Variants in LPP observed in about 807,000 individuals in gnomAD.
LPP encodes lipoma-preferred partner.
Under a neutral mutation model 60.4 loss-of-function variants are expected in LPP, and 38 were observed. That is an observed-to-expected ratio of 0.63 (90% CI 0.49 to 0.83). LPP has a LOEUF of 0.83. Among genes scored for constraint, LPP ranks in the 40% least tolerant of loss-of-function variants. The pLI, the probability that LPP is intolerant of heterozygous loss-of-function variation, is 0.00. For synonymous variants in LPP, 328 were observed against 290.8 expected, an observed-to-expected ratio of 1.13 and a Z score of -1.30; for missense variants, 902 against 783.6, an observed-to-expected ratio of 1.15 and a Z score of -1.80.
Position 188,725,802 on chromosome 3 carries a change from G to A in LPP, c.1240+17409G>A, listed in dbSNP as rs548210252. Among the ~76,000 whole-genome samples the A allele has an allele frequency of 5.9e-5, 9 of 152,224 alleles. No individual in the cohort carries two copies. In the South Asian group the frequency reaches 1.9e-3, roughly 32 times the overall value. ...ATATGGGAGGAAAGAAGTTAGAATG[G>A]CTTACTATGAATGGAAAAGTGGAGA... On this transcript the variant is annotated intron_variant, in intron 8 of 11. Coordinates refer to ENST00000617246, the MANE Select transcript of LPP (RefSeq NM_001375462.1).
intron 8 of LPP, among the ~76,000 whole-genome samples, chr3:188,720,350 C>T (rs1436962787): frequency 6.6e-6 from 1 of 152,118 alleles, no homozygotes; most frequent in Non-Finnish European, 1.5e-5. Context: ...TTGTCAAATC[C>T]TCTAGGGCCA....
chr3:188,252,502 T>C (rs1252889442), intron 2 of LPP, among the ~76,000 whole-genome samples: 1 of 151,968 alleles, frequency 6.6e-6, no homozygotes, highest in Non-Finnish European at 1.5e-5. Context: ...ATGGGTATGC[T>C]GGGTTAAGAG....
At chr3:188,420,586 T>G (rs1023496277) in intron 4 of LPP, among the ~76,000 whole-genome samples, 6 of 152,170 alleles carry the variant, frequency 3.9e-5, no homozygotes, top group African/African-American at 1.4e-4. Flanking sequence ...TCTCCTGAAA[T>G]TGTATTTAAA....
chr3:188,575,255 T>A (rs1828949), intron 6 of LPP, among the ~76,000 whole-genome samples: 1 of 151,942 alleles, frequency 6.6e-6, no homozygotes, highest in African/African-American at 2.4e-5. Context: ...TCTGAAGTTG[T>A]AAATTAAAAA....
chr3:188,712,545 C>T (rs1263493956), intron 8 of LPP: 1 of 152,250 alleles, frequency 6.6e-6, no homozygotes, highest in Non-Finnish European at 1.5e-5. Context: ...GCGATAAAGT[C>T]TTCTCTTCCT....
At chr3:188,444,662 C>T (rs1794799222) in intron 4 of LPP, among the ~76,000 whole-genome samples, 2 of 152,122 alleles carry the variant, frequency 1.3e-5, no homozygotes, top group Non-Finnish European at 2.9e-5. Context: ...AGAGCTTCTA[C>T]ACAGCAAAAG....
intron 9 of LPP, among the ~76,000 whole-genome samples, chr3:188,863,799 T>C (rs1256780815): frequency 1.3e-5 from 2 of 152,152 alleles, no homozygotes; most frequent in African/African-American, 4.8e-5. Flanking sequence ...GAATGCAGCA[T>C]CTGTAGACCA....
intron 7 of LPP, among the ~76,000 whole-genome samples, chr3:188,660,812 C>T (rs1319868753): frequency 6.6e-6 from 1 of 152,172 alleles, no homozygotes; most frequent in Non-Finnish European, 1.5e-5. Flanking sequence ...GAGAGTGGCA[C>T]ATTAGTTACA....
At chr3:188,246,760 T>C (rs916254447) in intron 2 of LPP, among the ~76,000 whole-genome samples, 2 of 152,196 alleles carry the variant, frequency 1.3e-5, no homozygotes, top group Non-Finnish European at 2.9e-5. Context: ...TCCTTAATTC[T>C]CACAATATTA....
At chr3:188,156,138 G>A (rs1263410159) in intron 1 of LPP, among the ~76,000 whole-genome samples, 2 of 152,158 alleles carry the variant, frequency 1.3e-5, no homozygotes, top group African/African-American at 4.8e-5. Flanking sequence ...GCTCCAGAGG[G>A]GATTACCTAT....
intron 6 of LPP, among the ~76,000 whole-genome samples, chr3:188,552,026 C>T (rs2150532411): frequency 6.6e-6 from 1 of 152,018 alleles, no homozygotes; most frequent in East Asian, 1.9e-4. Flanking sequence ...AAACAGAAAA[C>T]AGAAAAAAAT....
intron 9 of LPP, among the ~76,000 whole-genome samples, chr3:188,836,786 T>A (rs6807116): frequency 0.023 from 3,514 of 152,316 alleles, 120 homozygotes; most frequent in African/African-American, 0.08. Flanking sequence ...TTCAGTATCT[T>A]CCCACAAATA....
intron 2 of LPP, among the ~76,000 whole-genome samples, chr3:188,313,369 G>A (rs1210804855): frequency 6.6e-6 from 1 of 151,546 alleles, no homozygotes; most frequent in Non-Finnish European, 1.5e-5. Context: ...GCTGGGCGTG[G>A]TGGCTCACGC....
chr3:188,454,328 T>C (rs1797256624), intron 4 of LPP, among the ~76,000 whole-genome samples: 1 of 152,252 alleles, frequency 6.6e-6, no homozygotes, highest in Non-Finnish European at 1.5e-5. Flanking sequence ...AAGTGTGGTC[T>C]ATGATATTCC....
chr3:188,609,305 C>G lies in LPP; in HGVS notation c.574C>G (p.Pro192Ala), dbSNP rs1319074242. ...GCCTGCACCCCAGGCTGGACCCATC[C>G]CTGTGGCTCCAATCGGAACACTCAA... ...PQPAPQAGPIPVAPIGTLKPQ... is the reference protein window; with the variant it reads ...PQPAPQAGPIAVAPIGTLKPQ... The change falls in exon 7 of 12, where the codon CCT becomes GCT. Residue 192 changes from proline (P) to alanine (A), a missense_variant. Pro to Ala is a conservative substitution (Grantham distance 27). Coordinates refer to ENST00000617246, the MANE Select transcript of LPP (RefSeq NM_001375462.1). The surrounding 1 kb of genome is among the most constrained non-coding windows in gnomAD (Gnocchi z 6.9). 1.9e-6 allele frequency: 3 copies of G among 1,614,090 alleles called. No individual in the cohort carries two copies. In the East Asian group the frequency reaches 6.7e-5, roughly 36 times the overall value.
intron 3 of LPP, among the ~76,000 whole-genome samples, chr3:188,405,400 A>G (rs769614278): frequency 2.8e-4 from 42 of 152,094 alleles, no homozygotes; most frequent in Non-Finnish European, 1.0e-4. Flanking sequence ...TTTGGTTTCA[A>G]CCCACCTTTT....
In LPP at chr3:188,875,976, A is replaced by G. The variant is rs897797061; in HGVS notation, c.*1497A>G. On this transcript the variant is annotated 3_prime_UTR_variant, in exon 12 of 12. Coordinates refer to ENST00000617246, the MANE Select transcript of LPP (RefSeq NM_001375462.1). ...TTAAATTATGGAGTATTTTAAGTCT[A>G]CAAAAAGGTATAAATAATAATATAA... 1.0e-4 allele frequency: 19 copies of G among 183,036 alleles called. No individual in the cohort carries two copies. The East Asian group carries it at 1.7e-3, about 16-fold the overall frequency. The allele number at this position is 183,036 out of a possible 1,614,324, so 11.3% of individuals were successfully genotyped here.
intron 9 of LPP, among the ~76,000 whole-genome samples, chr3:188,813,870 G>C (rs1055186180): frequency 6.6e-6 from 1 of 152,124 alleles, no homozygotes; most frequent in East Asian, 1.9e-4. Flanking sequence ...AGAAGTTTGA[G>C]ACCAGCCTGG....
intron 4 of LPP, among the ~76,000 whole-genome samples, chr3:188,474,389 A>AATGCATTGACATGCATGGAC (rs1802626368): frequency 6.6e-6 from 1 of 151,362 alleles, no homozygotes; most frequent in Admixed American, 6.6e-5. Flanking sequence ...TGTCATTGAC[A>AATGCATTGACATGCATGGAC]ATGCATTGAC....
Sources: allele counts gnomAD v4.1 joint callset (sites outside exome capture counted in the v4.1 genomes callset), GRCh38; gene constraint gnomAD v4.1.1; non-coding constraint Gnocchi (gnomAD v3.1); transcripts MANE v1.5; gene names NCBI Gene and HGNC (gene_info 2026-07-23, HGNC 2026-07-21).